The following RBFOX1 variants were observed in gnomAD, a reference collection of about 807,000 sequenced individuals.
The protein encoded by RBFOX1 is RNA binding fox-1 homolog 1, also known as RNA binding protein fox-1 homolog 1.
In RBFOX1, 8 loss-of-function variants were observed where a neutral mutation model predicts 57.7. The observed-to-expected ratio is 0.14, with a 90% CI of 0.08 to 0.25. RBFOX1 has a LOEUF of 0.25. Among genes scored for constraint, RBFOX1 ranks in the 10% least tolerant of loss-of-function variants. The pLI is 1.00. For missense variants in RBFOX1, 611 were observed against 548.5 expected, an observed-to-expected ratio of 1.11 and a Z score of -1.14; for synonymous variants, 326 against 222.4, an observed-to-expected ratio of 1.47 and a Z score of -4.15.
Position 5,672,959 on chromosome 16 carries a change from G to A in RBFOX1, c.318+73998G>A, listed in dbSNP as rs78670826. ...CCTGAACTTTTGCAGAAATAATTAG[G>A]GAGCTTGGGGTTGGGTCAGTAATTG... is the stretch of plus-strand genomic sequence containing the variant. On this transcript the variant is annotated intron_variant, in intron 3 of 19. Transcript: ENST00000641259. Among the ~76,000 whole-genome samples the A allele has an allele frequency of 5.2e-3, 792 of 151,938 alleles. 6 individuals are homozygous for A. Among genetic ancestry groups the A allele is most frequent in the African/African-American group, 0.018 (763 of 41,438 alleles).
At chr16:7,241,340 T>C (rs2094047774) in intron 4 of RBFOX1, among the ~76,000 whole-genome samples, 1 of 152,190 alleles carries the variant, frequency 6.6e-6, no homozygotes, top group Admixed American at 6.5e-5. Context: ...GGTCACCTCC[T>C]GGCCCGTTGG....
In RBFOX1 at chr16:6,219,639, C is replaced by T. The variant is rs369487599; in HGVS notation, c.-126-97356C>T. Among the ~76,000 whole-genome samples, 5 of 152,156 alleles carry T rather than the reference C, an allele frequency of 3.3e-5. 1 individual carries two copies. The highest frequency in any genetic ancestry group is 1.2e-4 in the African/African-American group (5 of 41,512). On this transcript the variant is annotated intron_variant, in intron 1 of 15. Coordinates refer to ENST00000550418, the MANE Select transcript of RBFOX1 (RefSeq NM_018723.4). ...CTTGTAATCCCAGCATTTTGGGAGG[C>T]CGAGGTGGGCAGATCACTTGAGGTC... is the stretch of plus-strand genomic sequence containing the variant.
intron 5 of RBFOX1, among the ~76,000 whole-genome samples, chr16:7,554,217 TA>T (rs1327195701): frequency 6.6e-6 from 1 of 152,186 alleles, no homozygotes; most frequent in Non-Finnish European, 1.5e-5. Flanking sequence ...AGGATCGAGC[TA>T]GGGGAACAAA....
intron 3 of RBFOX1, among the ~76,000 whole-genome samples, chr16:6,707,923 G>A (rs563323410): frequency 1.3e-5 from 2 of 152,156 alleles, no homozygotes; most frequent in South Asian, 2.1e-4. Flanking sequence ...AAGATTCAGG[G>A]AATGGAGTTG....
chr16:6,954,844 C>A (rs1418814934), intron 3 of RBFOX1, among the ~76,000 whole-genome samples: 2 of 152,094 alleles, frequency 1.3e-5, no homozygotes, highest in Non-Finnish European at 2.9e-5. Flanking sequence ...AACTTTATAA[C>A]CTTGGGCAAG....
intron 4 of RBFOX1, among the ~76,000 whole-genome samples, chr16:5,919,752 A>C (rs1401334038): frequency 6.6e-6 from 1 of 152,190 alleles, no homozygotes; most frequent in East Asian, 1.9e-4. Flanking sequence ...AGGAAACCCC[A>C]TACCCGTTAG....
intron 3 of RBFOX1, among the ~76,000 whole-genome samples, chr16:6,950,674 C>A (rs2080536885): frequency 6.6e-6 from 1 of 151,984 alleles, no homozygotes; most frequent in Non-Finnish European, 1.5e-5. Context: ...AGGTGAGGTT[C>A]AGGTTGAGTT....
intron 2 of RBFOX1, among the ~76,000 whole-genome samples, chr16:6,491,502 G>A: frequency 6.6e-6 from 1 of 152,180 alleles, no homozygotes; most frequent in East Asian, 1.9e-4. Flanking sequence ...ACATTCTGCT[G>A]CTGACAGAGA....
At chr16:6,700,660 A>C (rs542205785) in intron 3 of RBFOX1, among the ~76,000 whole-genome samples, 1 of 152,144 alleles carries the variant, frequency 6.6e-6, no homozygotes, top group Admixed American at 6.5e-5. Context: ...CTTCATCTCA[A>C]AAAATAATAA....
chr16:5,525,072 C>T (rs974399178), intron 2 of RBFOX1, among the ~76,000 whole-genome samples: 22 of 152,200 alleles, frequency 1.4e-4, no homozygotes, highest in African/African-American at 5.3e-4. Context: ...TTCCTTCTTT[C>T]TCAACACTGC....
chr16:5,594,301 C>G (rs1043493860), intron 2 of RBFOX1, among the ~76,000 whole-genome samples: 1 of 152,106 alleles, frequency 6.6e-6, no homozygotes, highest in African/African-American at 2.4e-5. Context: ...TAGGTGGGCA[C>G]ATAAACGCTC....
At chr16:7,462,358 G>C (rs1290270947) in intron 4 of RBFOX1, among the ~76,000 whole-genome samples, 2 of 152,216 alleles carry the variant, frequency 1.3e-5, no homozygotes, top group Non-Finnish European at 2.9e-5. Context: ...TGCCTGGTAT[G>C]ATGGTGGGCT....
chr16:6,333,263 T>C (rs1336005502), intron 2 of RBFOX1, among the ~76,000 whole-genome samples: 5 of 152,176 alleles, frequency 3.3e-5, no homozygotes, highest in Non-Finnish European at 1.5e-5. Context: ...CAGGCTGGTC[T>C]TGAATTCCTG....
intron 3 of RBFOX1, among the ~76,000 whole-genome samples, chr16:6,845,467 T>C (rs143860778): frequency 3.9e-4 from 60 of 152,260 alleles, no homozygotes; most frequent in African/African-American, 1.4e-3. Flanking sequence ...TTTTGTCAGG[T>C]TTGTCAAAGA....
At chr16:7,510,487 C>CTGTGTGTGTGTG (rs59583874) in intron 4 of RBFOX1, among the ~76,000 whole-genome samples, 23 of 149,570 alleles carry the variant, frequency 1.5e-4, no homozygotes, top group African/African-American at 4.4e-4. Flanking sequence ...GTATGTGTGT[C>CTGTGTGTGTGTG]TGTGTGTGTG....
chr16:6,366,271 C>A (rs1367560157), intron 2 of RBFOX1, among the ~76,000 whole-genome samples: 1 of 151,982 alleles, frequency 6.6e-6, no homozygotes, highest in Admixed American at 6.6e-5. Flanking sequence ...TCTTGTTTTT[C>A]CCTTGCTTTT....
chr16:5,684,456 G>C (rs1421876741), intron 3 of RBFOX1, among the ~76,000 whole-genome samples: 1 of 152,052 alleles, frequency 6.6e-6, no homozygotes, highest in Non-Finnish European at 1.5e-5. Context: ...CGTGGCACCA[G>C]CTCTCCTCTG....
chr16:5,861,346 C>A (rs1416294831), intron 3 of RBFOX1, among the ~76,000 whole-genome samples: 1 of 152,202 alleles, frequency 6.6e-6, no homozygotes, highest in East Asian at 1.9e-4. Context: ...TGGAATGATG[C>A]ATGCTGCTTC....
At chr16:5,532,089 A>G (rs192047387) in intron 2 of RBFOX1, among the ~76,000 whole-genome samples, 32 of 152,276 alleles carry the variant, frequency 2.1e-4, no homozygotes, top group African/African-American at 7.5e-4. Flanking sequence ...GTGAACCACC[A>G]TGCGTGACTG....
Sources: gnomAD v4.1 joint callset for allele counts (sites outside exome capture counted in the v4.1 genomes callset) on GRCh38, gnomAD v4.1.1 for gene constraint, MANE v1.5 for transcripts, NCBI Gene and HGNC (gene_info 2026-07-23, HGNC 2026-07-21) for gene names.